Variants in THAP4 observed in about 807,000 individuals in gnomAD.
THAP4 encodes THAP domain containing 4.
THAP4 carries 18 observed loss-of-function variants against 48.1 expected under a neutral mutation model. That is an observed-to-expected ratio of 0.37 (90% CI 0.26 to 0.56). The LOEUF (loss-of-function observed/expected upper bound fraction) is 0.56, where lower values mean the gene tolerates loss of function less well. Among genes scored for constraint, THAP4 ranks in the 20% least tolerant of loss-of-function variants. The pLI, the probability that THAP4 is intolerant of heterozygous loss-of-function variation, is 0.78. For missense variants in THAP4, 656 were observed against 774.9 expected (o/e 0.85, Z 1.82); for synonymous variants, 345 against 324.9 (o/e 1.06, Z -0.66).
At chr2:241,588,165 C>T (rs1200557098) in intron 5 of THAP4, among the ~76,000 whole-genome samples, 3 of 151,470 alleles carry the variant, frequency 2.0e-5, no homozygotes, top group Non-Finnish European at 4.4e-5. Flanking sequence ...ATACTTGCAA[C>T]AAATAAGTGG....
At position 241,633,032 on chromosome 2, in the gene THAP4, G is replaced by T; in HGVS notation, c.1125C>A (p.Ser375Arg). 1 of 1,613,840 alleles carries T rather than the reference G, an allele frequency of 6.2e-7. No individual in the cohort carries two copies. The highest frequency in any genetic ancestry group is 8.5e-7 in the Non-Finnish European group (1 of 1,180,026). ...QVEKKNGELKSLRQRVSRSDS... is the reference protein window; with the variant it reads ...QVEKKNGELKRLRQRVSRSDS... ...CGGAGCGGCTGACCCTCTGCCGCAG[G>T]CTCTTCAGCTCGCCGTTCTTCTTCT... Residue 375 changes from serine to arginine, a missense_variant, in exon 2 of 6, where the codon AGC (serine) becomes AGA (arginine). This residue lies in a region of THAP4 where 391 missense variants were observed against 412.4 expected (regional missense o/e 0.95). Coordinates refer to ENST00000407315, the MANE Select transcript of THAP4 (RefSeq NM_015963.6). The surrounding 1 kb of genome is among the most constrained non-coding windows in gnomAD (Gnocchi z 7.5).
intron 2 of THAP4, among the ~76,000 whole-genome samples, chr2:241,618,379 A>G (rs1158782022): frequency 3.3e-5 from 5 of 152,368 alleles, no homozygotes; most frequent in East Asian, 1.9e-4. Context: ...CTGAGTCTCA[A>G]TTGAAGAACT....
At chr2:241,600,819 A>C (rs1353644174) in intron 5 of THAP4, among the ~76,000 whole-genome samples, 1 of 152,078 alleles carries the variant, frequency 6.6e-6, no homozygotes, top group East Asian at 1.9e-4. Context: ...AAATCCAGAC[A>C]TTGTAAAGGA....
intron 5 of THAP4, among the ~76,000 whole-genome samples, chr2:241,590,509 T>C (rs2066950850): frequency 7.1e-6 from 1 of 141,844 alleles, no homozygotes; most frequent in Middle Eastern, 4.4e-3. Flanking sequence ...TAATGGGCAC[T>C]AGGACACACA....
Position 241,594,589 on chromosome 2 carries a change from A to AC in THAP4, c.1614+7306_1614+7307insG, listed in dbSNP as rs1553554735. 22 of 357,982 alleles carry AC rather than the reference A, an allele frequency of 6.1e-5. No individual in the cohort carries two copies. In the East Asian group the frequency reaches 8.6e-4, roughly 14 times the overall value. The allele number at this position is 357,982 out of a possible 1,614,324, so 22.2% of individuals were successfully genotyped here. On this transcript the variant is annotated intron_variant, in intron 5 of 5. Transcript: ENST00000407315. The stretch of plus-strand genomic sequence containing the variant: ...AAAATACAAAAAACAAAACAAAACA[A>AC]AACAACAACAACAACAACAAAAACC...
rs970159291 is a variant in THAP4 at position 241,612,976 on chromosome 2, T to C, written c.1241-6503A>G. On this transcript the variant is annotated intron_variant, in intron 2 of 5. Coordinates refer to ENST00000407315, the MANE Select transcript of THAP4 (RefSeq NM_015963.6). The surrounding 1 kb of genome is among the most constrained non-coding windows in gnomAD (Gnocchi z 4.1). ...TTCAATAATCTTATAGTATGGGTGG[T>C]TGCCTGTTGAAATAATTTTTAGATA... Among the ~76,000 whole-genome samples the C allele has an allele frequency of 1.3e-5, 2 of 152,218 alleles. No homozygotes were observed. The highest frequency in any genetic ancestry group is 1.9e-4 in the East Asian group (1 of 5,192).
chr2:241,600,620 C>T (rs2067100597), intron 5 of THAP4, among the ~76,000 whole-genome samples: 2 of 148,542 alleles, frequency 1.3e-5, no homozygotes, highest in Non-Finnish European at 1.5e-5. Context: ...CCCAGCTACT[C>T]GGGAGGCTGA....
At chr2:241,636,638 C>G (rs2067663976) in intron 1 of THAP4, among the ~76,000 whole-genome samples, 1 of 152,202 alleles carries the variant, frequency 6.6e-6, no homozygotes, top group South Asian at 2.1e-4. Context: ...CGCGGCCGAG[C>G]AGGACAATCG....
At chr2:241,629,468 C>G (rs528811290) in intron 2 of THAP4, among the ~76,000 whole-genome samples, 5 of 140,976 alleles carry the variant, frequency 3.5e-5, no homozygotes, top group African/African-American at 1.3e-4. Flanking sequence ...AAAGCCCTGT[C>G]TCTTAAAAAA....
Position 241,620,075 on chromosome 2 carries a change from T to G in THAP4, c.1240+12842A>C, listed in dbSNP as rs376118837. Among the ~76,000 whole-genome samples, 58 of 26,580 alleles carry G rather than the reference T, an allele frequency of 2.2e-3. 2 individuals are homozygous for G. Among genetic ancestry groups the G allele is most frequent in the South Asian group, 0.012 (4 of 322 alleles). The allele number at this position is 26,580 out of a possible 152,430, so 17.4% of individuals were successfully genotyped here. A position where few individuals can be genotyped will look rare whatever the true frequency, so the allele number is the denominator to read the frequency against. ...GAGGGGTGAGTGAGGGGTGAGTGAG[T>G]CGTGAGTGAGGGGTGAGTGAGTCGG... On this transcript the variant is annotated intron_variant, in intron 2 of 5. Transcript: ENST00000407315.
intron 2 of THAP4, among the ~76,000 whole-genome samples, chr2:241,619,245 A>G (rs998653475): frequency 6.6e-6 from 1 of 152,232 alleles, no homozygotes; most frequent in Non-Finnish European, 1.5e-5. Context: ...GGAATTTTAC[A>G]GCCACTGCAG....
chr2:241,619,434 C>T (rs910224796), intron 2 of THAP4, among the ~76,000 whole-genome samples: 4 of 152,228 alleles, frequency 2.6e-5, no homozygotes, highest in African/African-American at 9.6e-5. Flanking sequence ...GCGTACCACG[C>T]ACCTAGGCTG....
Position 241,633,301 on chromosome 2 carries a change from T to C in THAP4, c.856A>G (p.Ser286Gly), listed in dbSNP as rs976424688. Residue 286 changes from serine (S) to glycine (G), a missense_variant, in exon 2 of 6, where the codon AGC becomes GGC. Coordinates refer to ENST00000407315, the MANE Select transcript of THAP4 (RefSeq NM_015963.6). This position sits in a 1 kb window ranked among gnomAD's most constrained non-coding sequence, Gnocchi z 7.5. ...TGCGGTGTCGCGGTAAGTGATGAGC[T>C]GGGAGGGCTCTGGGCCAGGCCCTTG... Reference protein sequence around the residue: ...PDKGLAQSPPSSSLTATPQKP... With the variant: ...PDKGLAQSPPGSSLTATPQKP... The C allele has an allele frequency of 6.2e-7, 1 of 1,612,106 alleles. No individual in the cohort carries two copies. The highest frequency in any genetic ancestry group is 8.5e-7 in the Non-Finnish European group (1 of 1,179,960).
chr2:241,636,281 T>C (rs2067652793), intron 1 of THAP4, among the ~76,000 whole-genome samples: 2 of 152,262 alleles, frequency 1.3e-5, no homozygotes, highest in Non-Finnish European at 2.9e-5. Context: ...AAGTGGTTTT[T>C]AAAGTCTGTT....
intron 1 of THAP4, among the ~76,000 whole-genome samples, chr2:241,634,650 C>T (rs1301565407): frequency 6.6e-6 from 1 of 152,232 alleles, no homozygotes; most frequent in Non-Finnish European, 1.5e-5. Flanking sequence ...TAAAAATGCT[C>T]CTTTTAAAAG....
chr2:241,600,441 G>A (rs940585969), intron 5 of THAP4, among the ~76,000 whole-genome samples: 1 of 151,808 alleles, frequency 6.6e-6, no homozygotes, highest in Non-Finnish European at 1.5e-5. Flanking sequence ...AGAAATGAAA[G>A]AACAGGCTGG....
At chr2:241,613,251 C>T (rs1243681299) in intron 2 of THAP4, among the ~76,000 whole-genome samples, 2 of 146,610 alleles carry the variant, frequency 1.4e-5, no homozygotes, top group Middle Eastern at 3.6e-3. Context: ...AAGAAACCTC[C>T]GTAAACACTG....
intron 2 of THAP4, among the ~76,000 whole-genome samples, chr2:241,614,157 GAA>G (rs796161619): frequency 1.2e-5 from 1 of 84,670 alleles, no homozygotes. Flanking sequence ...CCTGCCTTGA[GAA>G]AAAAAAAAAA....
intron 2 of THAP4, among the ~76,000 whole-genome samples, chr2:241,619,923 AGTGAGGG>A (rs1575033867): frequency 6.8e-5 from 2 of 29,278 alleles, no homozygotes; most frequent in African/African-American, 1.5e-4. Flanking sequence ...ATGAGGGGTG[AGTGAGGG>A]GTGAGGGGTG....
Sources: gnomAD v4.1 joint callset for allele counts (sites outside exome capture counted in the v4.1 genomes callset) on GRCh38, gnomAD v4.1.1 for gene constraint, gnomAD v4.1.1 regional missense constraint, Gnocchi (gnomAD v3.1) non-coding constraint, MANE v1.5 for transcripts, NCBI Gene and HGNC (gene_info 2026-07-23, HGNC 2026-07-21) for gene names.